The following DIAPH2 variants were observed in gnomAD, a reference collection of about 807,000 sequenced individuals.
DIAPH2 encodes protein diaphanous homolog 2.
Under a neutral mutation model 92.7 loss-of-function variants are expected in DIAPH2, and 35 were observed. The observed-to-expected ratio is 0.38, with a 90% CI of 0.29 to 0.50. The LOEUF (loss-of-function observed/expected upper bound fraction) is 0.50, where lower values mean the gene tolerates loss of function less well. DIAPH2 is among the 20% of genes least tolerant of loss of function. DIAPH2 has a pLI of 0.94. For synonymous variants in DIAPH2, 301 were observed against 280.4 expected (o/e 1.07, Z -0.73); for missense variants, 701 against 819.5 (o/e 0.86, Z 1.77).
In DIAPH2 at chrX:97,603,035, C is replaced by T. The variant is rs1349848447; in HGVS notation, c.*3718C>T. The T allele has an allele frequency of 1.8e-5, 2 of 111,094 alleles. No individual in the cohort carries two copies. The highest frequency in any genetic ancestry group is 6.6e-5 in the African/African-American group (2 of 30,520). The allele number at this position is 111,094 out of a possible 1,213,427, so 9.2% of individuals were successfully genotyped here. A position where few individuals can be genotyped will look rare whatever the true frequency, so the allele number is the denominator to read the frequency against. On this transcript the variant is annotated 3_prime_UTR_variant, in exon 27 of 27. Coordinates refer to ENST00000324765, the MANE Select transcript of DIAPH2 (RefSeq NM_006729.5). ...TTCTGTTGAAACAGTCAAATAAATCCACAAGTTAATGCCTAACCTCTTCAG... is the reference window on the plus strand; with the variant it reads ...TTCTGTTGAAACAGTCAAATAAATCTACAAGTTAATGCCTAACCTCTTCAG...
At chrX:97,552,872 G>C (rs1171088952) in intron 26 of DIAPH2, among the ~76,000 whole-genome samples, 2 of 111,627 alleles carry the variant, frequency 1.8e-5, no homozygotes, top group African/African-American at 6.5e-5. Context: ...GAGGCTAGAA[G>C]TCCAAAATCA....
intron 3 of DIAPH2, among the ~76,000 whole-genome samples, chrX:96,746,193 C>T (rs2064149064): frequency 8.9e-6 from 1 of 111,844 alleles, no homozygotes; most frequent in Non-Finnish European, 1.9e-5. Flanking sequence ...AGCCACGGCA[C>T]CTGGCTTTGA....
intron 25 of DIAPH2, among the ~76,000 whole-genome samples, chrX:97,397,360 TA>T (rs61214337): frequency 9.1e-6 from 1 of 109,634 alleles, no homozygotes; most frequent in African/African-American, 3.3e-5. Flanking sequence ...AAATGTACTT[TA>T]AAAAAAAAAA....
intron 14 of DIAPH2, among the ~76,000 whole-genome samples, chrX:96,947,512 A>G (rs754336304): frequency 1.5e-4 from 17 of 111,102 alleles, no homozygotes; most frequent in Admixed American, 1.3e-3. Context: ...AAGAAATTAG[A>G]GAATATTTGG....
chrX:97,035,213 G>A (rs1156912342), intron 17 of DIAPH2, among the ~76,000 whole-genome samples: 1 of 111,411 alleles, frequency 9.0e-6, no homozygotes, highest in East Asian at 2.8e-4. Context: ...TACGTGTACA[G>A]GGGCTAATTA....
At chrX:97,154,651 C>G (rs758021705) in intron 22 of DIAPH2, among the ~76,000 whole-genome samples, 1 of 111,494 alleles carries the variant, frequency 9.0e-6, no homozygotes, top group South Asian at 3.9e-4. Context: ...ATCTCTGTTG[C>G]ACACCCTTTT....
chrX:96,828,940 GA>G (rs1389471120), intron 4 of DIAPH2, among the ~76,000 whole-genome samples: 19 of 109,140 alleles, frequency 1.7e-4, no homozygotes, highest in African/African-American at 5.3e-4. Context: ...ACTGACAGAA[GA>G]AAAAAAAACC....
At chrX:96,695,079 C>T (rs1030569981) in intron 1 of DIAPH2, among the ~76,000 whole-genome samples, 5 of 110,360 alleles carry the variant, frequency 4.5e-5, no homozygotes, top group Non-Finnish European at 7.6e-5. Context: ...TCCTGAGTAG[C>T]TGGTATCACA....
intron 23 of DIAPH2, among the ~76,000 whole-genome samples, chrX:97,293,757 C>T (rs2068619557): frequency 1.8e-5 from 2 of 111,491 alleles, no homozygotes; most frequent in Non-Finnish European, 3.8e-5. Flanking sequence ...GACTTAGTTA[C>T]ACTCCAGGGA....
rs766609634 is a variant in DIAPH2 at position 97,425,696 on chromosome X, G to A, written c.3146-3954G>A. Among the ~76,000 whole-genome samples the A allele has an allele frequency of 2.0e-4, 22 of 107,699 alleles. No homozygotes were observed. The East Asian group carries it at 2.3e-3, about 11-fold the overall frequency. 93.5% of individuals were successfully genotyped at this position (107,699 alleles called of 115,157 possible). A position where few individuals can be genotyped will look rare whatever the true frequency, so the allele number is the denominator to read the frequency against. ...CTTGGGAGGCTGAGGCAGGAGAATC[G>A]CTTGAACTTGGGAGGTGGAGGTTGC... is the stretch of plus-strand genomic sequence containing the variant. On this transcript the variant is annotated intron_variant, in intron 25 of 26. Transcript: ENST00000324765.
chrX:96,788,148 T>C (rs774887693), intron 4 of DIAPH2, among the ~76,000 whole-genome samples: 136 of 111,993 alleles, frequency 1.2e-3, no homozygotes, highest in African/African-American at 4.2e-3. Flanking sequence ...AATAATCTTA[T>C]AGCTAATTTT....
intron 24 of DIAPH2, among the ~76,000 whole-genome samples, chrX:97,350,861 G>A (rs1424791696): frequency 8.9e-6 from 1 of 112,253 alleles, no homozygotes. Flanking sequence ...CTTGAGTACA[G>A]AGTAAGAATT....
chrX:97,409,154 A>G (rs2069841484), intron 25 of DIAPH2, among the ~76,000 whole-genome samples: 1 of 111,783 alleles, frequency 8.9e-6, no homozygotes, highest in Non-Finnish European at 1.9e-5. Flanking sequence ...TCATGTTTTA[A>G]ATTTGGAGAT....
At chrX:97,162,336 T>G (rs1403435922) in intron 22 of DIAPH2, among the ~76,000 whole-genome samples, 1 of 111,676 alleles carries the variant, frequency 9.0e-6, no homozygotes, top group Non-Finnish European at 1.9e-5. Context: ...GTGCCACAAT[T>G]TCTTCATTGT....
At chrX:97,318,300 G>T (rs991966516) in intron 23 of DIAPH2, among the ~76,000 whole-genome samples, 1 of 107,855 alleles carries the variant, frequency 9.3e-6, no homozygotes, top group Non-Finnish European at 1.9e-5. Context: ...CACCACACCC[G>T]GCTAATTTTT....
intron 26 of DIAPH2, among the ~76,000 whole-genome samples, chrX:97,535,306 C>A (rs1156481976): frequency 1.8e-5 from 2 of 111,701 alleles, no homozygotes; most frequent in Admixed American, 9.5e-5. Flanking sequence ...TGCAATGTTT[C>A]TTTAAACCTA....
chrX:97,352,096 C>T (rs998383769), intron 24 of DIAPH2, among the ~76,000 whole-genome samples: 2 of 110,637 alleles, frequency 1.8e-5, no homozygotes, highest in Non-Finnish European at 3.8e-5. Flanking sequence ...GGGTTCTTAG[C>T]ACTAAAAGCA....
At chrX:96,884,607 G>A in intron 5 of DIAPH2, 6 of 1,207,734 alleles carry the variant, frequency 5.0e-6, no homozygotes, top group South Asian at 1.8e-5. Flanking sequence ...ATATGACCGC[G>A]AAACCAATCG....
intron 1 of DIAPH2, among the ~76,000 whole-genome samples, chrX:96,715,847 C>T (rs749031995): frequency 6.4e-5 from 7 of 110,061 alleles, no homozygotes; most frequent in African/African-American, 2.0e-4. Flanking sequence ...TTTTCATAGA[C>T]GTAATAGCAT....
Sources: gnomAD v4.1 joint callset for allele counts (sites outside exome capture counted in the v4.1 genomes callset) on GRCh38, gnomAD v4.1.1 for gene constraint, MANE v1.5 for transcripts, NCBI Gene and HGNC (gene_info 2026-07-23, HGNC 2026-07-21) for gene names.